Variants in STARD3NL observed in about 807,000 individuals in gnomAD.
STARD3NL encodes the protein STARD3 N-terminal-like protein.
Under a neutral mutation model 30.9 loss-of-function variants are expected in STARD3NL, and 17 were observed. That is an observed-to-expected ratio of 0.55 (90% CI 0.38 to 0.82). The LOEUF is 0.82. Ranked by LOEUF, STARD3NL falls within the 40% of genes least tolerant of loss-of-function variation. The probability of loss-of-function intolerance (pLI) is 0.00; values close to 1 mark genes in which losing one functional copy is unlikely to be tolerated. For synonymous variants in STARD3NL, 112 were observed against 100.5 expected (o/e 1.11, Z -0.69); for missense variants, 234 against 277.6 (o/e 0.84, Z 1.12).
At chr7:38,183,252 G>A (rs962044744) in intron 1 of STARD3NL, among the ~76,000 whole-genome samples, 9 of 152,130 alleles carry the variant, frequency 5.9e-5, no homozygotes, top group African/African-American at 9.7e-5. Flanking sequence ...TTTGTGCCAG[G>A]AGTTGTTCTA....
intron 1 of STARD3NL, among the ~76,000 whole-genome samples, chr7:38,183,064 T>A (rs575263008): frequency 3.3e-5 from 5 of 152,238 alleles, no homozygotes; most frequent in Non-Finnish European, 7.3e-5. Context: ...AATTAAGCAT[T>A]TATTAAATTA....
At chr7:38,205,576 T>A (rs1785414933) in intron 1 of STARD3NL, among the ~76,000 whole-genome samples, 1 of 152,200 alleles carries the variant, frequency 6.6e-6, no homozygotes, top group Non-Finnish European at 1.5e-5. Flanking sequence ...GTTTTCTAAT[T>A]GATACTATTA....
chr7:38,208,002 T>A (rs1232682581), intron 2 of STARD3NL, among the ~76,000 whole-genome samples: 1 of 152,226 alleles, frequency 6.6e-6, no homozygotes, highest in African/African-American at 2.4e-5. Context: ...AACTATAGGC[T>A]GTAAGACAAA....
chr7:38,223,722 T>C (rs1285300858), intron 7 of STARD3NL, among the ~76,000 whole-genome samples: 1 of 146,942 alleles, frequency 6.8e-6, no homozygotes, highest in Admixed American at 7.2e-5. Context: ...GAAACACAGC[T>C]TTTTCCTTTT....
intron 2 of STARD3NL, 48 bp downstream of exon 2, chr7:38,207,777 C>T (rs1785574963): frequency 2.6e-6 from 4 of 1,547,508 alleles, no homozygotes; most frequent in Non-Finnish European, 2.7e-6. Flanking sequence ...TTTCCAGAGA[C>T]AACAGGGTTT....
chr7:38,222,141 T>TCTCACACA (rs71558111), intron 7 of STARD3NL, among the ~76,000 whole-genome samples: 1 of 144,196 alleles, frequency 6.9e-6, no homozygotes, highest in Non-Finnish European at 1.5e-5. Flanking sequence ...GTTAATATTT[T>TCTCACACA]CACACACACA....
intron 2 of STARD3NL, among the ~76,000 whole-genome samples, chr7:38,211,114 A>G (rs1429733487): frequency 6.6e-6 from 1 of 152,236 alleles, no homozygotes; most frequent in African/African-American, 2.4e-5. Flanking sequence ...GAAAGAAGAA[A>G]AAAATGCAGG....
chr7:38,199,120 A>G (rs1184567349), intron 1 of STARD3NL, among the ~76,000 whole-genome samples: 1 of 152,140 alleles, frequency 6.6e-6, no homozygotes, highest in Non-Finnish European at 1.5e-5. Context: ...GTTTTTCTTT[A>G]TTTTCTAATT....
intron 4 of STARD3NL, 129 bp downstream of exon 4, chr7:38,215,234 C>A: frequency 1.3e-6 from 1 of 772,466 alleles, no homozygotes; most frequent in Non-Finnish European, 2.1e-6. Flanking sequence ...TCCTGAGTCC[C>A]GTTTCCTCCA....
chr7:38,225,634 T>G (rs943952355), intron 7 of STARD3NL, among the ~76,000 whole-genome samples: 2 of 152,214 alleles, frequency 1.3e-5, no homozygotes, highest in Non-Finnish European at 2.9e-5. Flanking sequence ...TAAAATCAGT[T>G]TACTATAAAC....
At chr7:38,214,939 G>C (rs976028331) in intron 3 of STARD3NL, 89 bp from the exon 4 acceptor site, 93 of 1,178,160 alleles carry the variant, frequency 7.9e-5, no homozygotes, top group Non-Finnish European at 1.1e-4. Context: ...CTAAATCACA[G>C]TAATGAAGAC....
At chr7:38,184,655 A>G (rs1784384465) in intron 1 of STARD3NL, among the ~76,000 whole-genome samples, 1 of 118,818 alleles carries the variant, frequency 8.4e-6, no homozygotes, top group African/African-American at 3.1e-5. Flanking sequence ...TATAACCGAT[A>G]TAGTATATAA....
intron 1 of STARD3NL, among the ~76,000 whole-genome samples, chr7:38,190,006 T>G (rs1784615737): frequency 6.6e-6 from 1 of 152,254 alleles, no homozygotes; most frequent in African/African-American, 2.4e-5. Context: ...ATGATTTTTT[T>G]GCCATGAAAA....
intron 1 of STARD3NL, among the ~76,000 whole-genome samples, chr7:38,182,828 A>T (rs1357990896): frequency 6.6e-6 from 1 of 152,150 alleles, no homozygotes; most frequent in Non-Finnish European, 1.5e-5. Context: ...CTCTAGTTAC[A>T]GTTTTCAAAA....
chr7:38,207,316 T>C lies in STARD3NL; in HGVS notation c.-58-131T>C, dbSNP rs1785539589. On this transcript the variant is annotated intron_variant, in intron 1 of 8. Transcript: ENST00000009041. Reference sequence around the variant, plus strand: ...TCTCATTTCTCTTTCTCTTTATGTCTTCATGAAAACATAAATCAGTCAAGG... The same window carrying C: ...TCTCATTTCTCTTTCTCTTTATGTCCTCATGAAAACATAAATCAGTCAAGG... The C allele has an allele frequency of 1.0e-5, 6 of 585,996 alleles. No individual in the cohort carries two copies. In the South Asian group the frequency reaches 1.3e-4, roughly 13 times the overall value. The allele number at this position is 585,996 out of a possible 1,614,324, so 36.3% of individuals were successfully genotyped here.
At chr7:38,190,070 C>A (rs945667576) in intron 1 of STARD3NL, among the ~76,000 whole-genome samples, 5 of 152,160 alleles carry the variant, frequency 3.3e-5, no homozygotes, top group African/African-American at 1.2e-4. Flanking sequence ...ATGGACAGTA[C>A]ATTTCAAGCC....
chr7:38,222,886 G>C (rs1371009958), intron 7 of STARD3NL, among the ~76,000 whole-genome samples: 2 of 151,972 alleles, frequency 1.3e-5, no homozygotes, highest in African/African-American at 4.8e-5. Flanking sequence ...AATGAAAACT[G>C]TTACTGGAAT....
At chr7:38,180,223 TAATGA>T (rs1405843774) in intron 1 of STARD3NL, among the ~76,000 whole-genome samples, 1 of 152,258 alleles carries the variant, frequency 6.6e-6, no homozygotes, top group Non-Finnish European at 1.5e-5. Flanking sequence ...GAGGCCCTCT[TAATGA>T]AAAGATCTTG....
chr7:38,185,902 T>C (rs1285874109), intron 1 of STARD3NL, among the ~76,000 whole-genome samples: 1 of 152,212 alleles, frequency 6.6e-6, no homozygotes, highest in African/African-American at 2.4e-5. Context: ...AGCTCACCAC[T>C]GTGGATACTA....
Sources: allele counts gnomAD v4.1 joint callset (sites outside exome capture counted in the v4.1 genomes callset), GRCh38; gene constraint gnomAD v4.1.1; transcripts MANE v1.5; gene names NCBI Gene and HGNC (gene_info 2026-07-23, HGNC 2026-07-21).